NCAM2: variants seen among roughly 807,000 people sequenced by gnomAD.
The protein encoded by NCAM2 is N-CAM-2.
NCAM2 carries 30 observed loss-of-function variants against 98.1 expected under a neutral mutation model. The ratio of observed to expected loss-of-function variants is 0.31; its 90% confidence interval spans 0.23 to 0.41. The LOEUF is 0.41. NCAM2 is among the 10% of genes least tolerant of loss of function. NCAM2 has a pLI of 1.00. For synonymous variants in NCAM2, 368 were observed against 342.4 expected (o/e 1.07, Z -0.83); for missense variants, 867 against 1,005.8 (o/e 0.86, Z 1.87).
chr21:21,449,425 A>T (rs1980684015), intron 12 of NCAM2, among the ~76,000 whole-genome samples: 1 of 151,956 alleles, frequency 6.6e-6, no homozygotes, highest in South Asian at 2.1e-4. Flanking sequence ...CTCTTAAGGC[A>T]AATTTAAAAT....
At chr21:21,245,397 G>T (rs1209224663) in intron 1 of NCAM2, among the ~76,000 whole-genome samples, 1 of 152,110 alleles carries the variant, frequency 6.6e-6, no homozygotes, top group Non-Finnish European at 1.5e-5. Flanking sequence ...TTTGTAAGTT[G>T]CTTGATAACA....
At chr21:21,269,965 T>A (rs1409101320) in intron 1 of NCAM2, among the ~76,000 whole-genome samples, 1 of 152,188 alleles carries the variant, frequency 6.6e-6, no homozygotes. Context: ...TTGTCAGGTT[T>A]CTACACAAGG....
chr21:21,511,920 C>A (rs1429235570), intron 16 of NCAM2, among the ~76,000 whole-genome samples: 1 of 151,914 alleles, frequency 6.6e-6, no homozygotes. Flanking sequence ...ATCCAGATCA[C>A]TTGCTCATTT....
At chr21:21,236,299 AT>A (rs143248580) in intron 1 of NCAM2, among the ~76,000 whole-genome samples, 49,015 of 151,930 alleles carry the variant, frequency 0.32, 8,566 homozygotes, top group Non-Finnish European at 0.4. Context: ...AAATTGTGTC[AT>A]TTTTCCCTCT....
rs535289686 is a variant in NCAM2, at chr21:21,116,889, A to G, written c.55+118271A>G. ...AAAAAAAAGAAAAGAAATACTCACC[A>G]TTGGACTTTACAAATACTTGAATAA... On this transcript the variant is annotated intron_variant, in intron 1 of 17. Transcript: ENST00000400546. 2.0e-5 allele frequency among the ~76,000 whole-genome samples: 3 copies of G among 152,186 alleles called. No individual in the cohort carries two copies. The South Asian group carries it at 6.2e-4, about 32-fold the overall frequency.
At chr21:20,999,980 T>C (rs1264547474) in intron 1 of NCAM2, among the ~76,000 whole-genome samples, 1 of 152,210 alleles carries the variant, frequency 6.6e-6, no homozygotes, top group East Asian at 1.9e-4. Context: ...GATATTCCTA[T>C]AGTTTGTAAA....
chr21:21,251,190 A>G (rs1323391333), intron 1 of NCAM2, among the ~76,000 whole-genome samples: 1 of 152,176 alleles, frequency 6.6e-6, no homozygotes, highest in Non-Finnish European at 1.5e-5. Context: ...GTTCCAGGAT[A>G]CATGTGCAGA....
chr21:21,514,059 C>T (rs1569131800), intron 16 of NCAM2, among the ~76,000 whole-genome samples: 1 of 151,554 alleles, frequency 6.6e-6, no homozygotes, highest in Admixed American at 6.6e-5. Flanking sequence ...ACATGCTCTA[C>T]ATATATAACC....
At chr21:21,034,060 G>T (rs1201476361) in intron 1 of NCAM2, among the ~76,000 whole-genome samples, 1 of 149,546 alleles carries the variant, frequency 6.7e-6, no homozygotes, top group East Asian at 2.1e-4. Context: ...AAAGGGGGGG[G>T]GGAAACAAAG....
intron 1 of NCAM2, among the ~76,000 whole-genome samples, chr21:21,036,922 A>G (rs2064812137): frequency 6.6e-6 from 1 of 152,202 alleles, no homozygotes; most frequent in South Asian, 2.1e-4. Flanking sequence ...TTTCACTAAT[A>G]TAGGTTTTTC....
intron 8 of NCAM2, among the ~76,000 whole-genome samples, chr21:21,345,249 C>T (rs535143191): frequency 2.4e-4 from 36 of 151,986 alleles, no homozygotes; most frequent in African/African-American, 7.5e-4. Flanking sequence ...TAACACCATC[C>T]GGGAAAGCAT....
At chr21:21,527,180 C>T (rs896676103) in intron 16 of NCAM2, among the ~76,000 whole-genome samples, 21 of 150,976 alleles carry the variant, frequency 1.4e-4, no homozygotes, top group Non-Finnish European at 2.2e-4. Flanking sequence ...GGCCTGATCT[C>T]AGCTCACTGC....
Position 21,539,175 on chromosome 21 carries a change from G to C in NCAM2, c.*1218G>C, listed in dbSNP as rs1388362021. On this transcript the variant is annotated 3_prime_UTR_variant, in exon 18 of 18. Transcript: ENST00000400546. Reference sequence around the variant, plus strand: ...ACAAACTTTCTAATATCTTTTGTTAGGGTTATACCAGAATAAAATGCTTCT... The same window carrying C: ...ACAAACTTTCTAATATCTTTTGTTACGGTTATACCAGAATAAAATGCTTCT... The C allele has an allele frequency of 1.3e-5, 2 of 152,126 alleles. No homozygotes were observed. The highest frequency in any genetic ancestry group is 4.8e-5 in the African/African-American group (2 of 41,432). The allele number at this position is 152,126 out of a possible 1,614,324, so 9.4% of individuals were successfully genotyped here. A position where few individuals can be genotyped will look rare whatever the true frequency, so the allele number is the denominator to read the frequency against.
At chr21:21,030,076 G>C (rs2064646560) in intron 1 of NCAM2, among the ~76,000 whole-genome samples, 1 of 152,108 alleles carries the variant, frequency 6.6e-6, no homozygotes, top group African/African-American at 2.4e-5. Flanking sequence ...CTGCTCTGTA[G>C]CTGGGGGTGA....
At chr21:21,367,835 G>T (rs1450963360) in intron 8 of NCAM2, among the ~76,000 whole-genome samples, 4 of 151,758 alleles carry the variant, frequency 2.6e-5, no homozygotes, top group African/African-American at 9.7e-5. Context: ...GAGATTATAG[G>T]TGCCACAGCC....
chr21:21,057,027 T>C (rs2146314644), intron 1 of NCAM2, among the ~76,000 whole-genome samples: 1 of 152,170 alleles, frequency 6.6e-6, no homozygotes, highest in Non-Finnish European at 1.5e-5. Flanking sequence ...ACATGTTCTC[T>C]TAAAGAGTGT....
intron 1 of NCAM2, among the ~76,000 whole-genome samples, chr21:21,190,411 CTTT>C (rs2068783157): frequency 6.6e-6 from 1 of 152,158 alleles, no homozygotes; most frequent in Non-Finnish European, 1.5e-5. Flanking sequence ...CAATGCCCAA[CTTT>C]TTATCCAGGG....
At chr21:21,281,711 A>G (rs1437982497) in intron 2 of NCAM2, among the ~76,000 whole-genome samples, 2 of 151,954 alleles carry the variant, frequency 1.3e-5, no homozygotes, top group Non-Finnish European at 2.9e-5. Flanking sequence ...TAGTGCTAAA[A>G]TTAGTTGAGA....
At chr21:21,323,192 A>G (rs1382043054) in intron 5 of NCAM2, among the ~76,000 whole-genome samples, 1 of 152,208 alleles carries the variant, frequency 6.6e-6, no homozygotes, top group Non-Finnish European at 1.5e-5. Context: ...CAGGGTACAG[A>G]TAGTCAAATG....
Sources: gnomAD v4.1 joint callset for allele counts (sites outside exome capture counted in the v4.1 genomes callset) on GRCh38, gnomAD v4.1.1 for gene constraint, MANE v1.5 for transcripts, NCBI Gene and HGNC (gene_info 2026-07-23, HGNC 2026-07-21) for gene names.